The following HNRNPM variants were observed in gnomAD, a reference collection of about 807,000 sequenced individuals.
The protein encoded by HNRNPM is heterogeneous nuclear ribonucleoprotein M.
HNRNPM carries 11 observed loss-of-function variants against 73.1 expected under a neutral mutation model. That is an observed-to-expected ratio of 0.15 (90% CI 0.09 to 0.25). The LOEUF is 0.25. Ranked by LOEUF, HNRNPM falls within the 10% of genes least tolerant of loss-of-function variation. The pLI is 1.00. For missense variants in HNRNPM, 789 were observed against 1,067.9 expected (o/e 0.74, Z 3.64); for synonymous variants, 407 against 355.2 (o/e 1.15, Z -1.64).
At chr19:8,461,450 C>T (rs374109249) in intron 2 of HNRNPM, among the ~76,000 whole-genome samples, 1 of 152,166 alleles carries the variant, frequency 6.6e-6, no homozygotes, top group Admixed American at 6.5e-5. Context: ...CCATTTTTTG[C>T]CTTTGGAGAG....
chr19:8,453,588 G>T (rs537489641), intron 1 of HNRNPM, among the ~76,000 whole-genome samples: 57 of 151,942 alleles, frequency 3.8e-4, no homozygotes, highest in African/African-American at 8.2e-4. Flanking sequence ...TGGCTTTTTG[G>T]TTTTTTTTCC....
At chr19:8,475,901 CTCTCTTTT>C (rs1391161497) in intron 12 of HNRNPM, among the ~76,000 whole-genome samples, 1 of 108,646 alleles carries the variant, frequency 9.2e-6, no homozygotes, top group Non-Finnish European at 1.9e-5. Flanking sequence ...AACCCCATCT[CTCTCTTTT>C]TTTTTTTTTT....
At chr19:8,472,479 A>G (rs1291726799) in intron 10 of HNRNPM, among the ~76,000 whole-genome samples, 2 of 152,158 alleles carry the variant, frequency 1.3e-5, no homozygotes, top group African/African-American at 4.8e-5. Flanking sequence ...CCCAAAACAC[A>G]CACACCCCAT....
intron 6 of HNRNPM, among the ~76,000 whole-genome samples, chr19:8,465,779 G>T (rs1396894029): frequency 6.6e-6 from 1 of 152,086 alleles, no homozygotes; most frequent in African/African-American, 2.4e-5. Context: ...TTCTCCGTTG[G>T]TTTATTTTAT....
chr19:8,446,937 AG>A (rs1246542737), intron 1 of HNRNPM, among the ~76,000 whole-genome samples: 1 of 152,174 alleles, frequency 6.6e-6, no homozygotes. Context: ...GGAAGCTGGT[AG>A]GATTTCTGAG....
chr19:8,467,229 G>T (rs904431844), intron 7 of HNRNPM, among the ~76,000 whole-genome samples: 8 of 152,162 alleles, frequency 5.3e-5, no homozygotes, highest in African/African-American at 1.9e-4. Flanking sequence ...AGTGGTAGAT[G>T]CCTGGCCCAT....
Position 8,455,434 on chromosome 19 carries a change from A to G in HNRNPM, c.143A>G (p.Lys48Arg), listed in dbSNP as rs560394404. The G allele has an allele frequency of 6.2e-7, 1 of 1,614,080 alleles. No individual in the cohort carries two copies. The highest frequency in any genetic ancestry group is 2.2e-5 in the East Asian group (1 of 44,882). The change falls in exon 2 of 16, where the codon AAG (lysine) becomes AGG (arginine). Residue 48 changes from lysine to arginine, a missense_variant. Coordinates refer to ENST00000325495, the MANE Select transcript of HNRNPM (RefSeq NM_005968.5). ...GGAGAACGACCTGCTCAGAATGAGAAGAGGAAGGAGAAAAACATAAAAAGA... is the reference window on the plus strand; with the variant it reads ...GGAGAACGACCTGCTCAGAATGAGAGGAGGAAGGAGAAAAACATAAAAAGA... The part of the protein sequence containing the change: ...GEGERPAQNE[K>R]RKEKNIKRGG...
At chr19:8,468,674 T>C in intron 8 of HNRNPM, 100 bp from the exon 9 acceptor site, 1 of 845,890 alleles carries the variant, frequency 1.2e-6, no homozygotes, top group Non-Finnish European at 2.0e-6. Flanking sequence ...GATAATGTGT[T>C]TAGCTGGTCC....
chr19:8,480,783 T>G (rs1189441672), intron 12 of HNRNPM, among the ~76,000 whole-genome samples: 1 of 152,142 alleles, frequency 6.6e-6, no homozygotes, highest in Admixed American at 6.5e-5. Context: ...GAGTGGCACA[T>G]GAGTGGCACA....
At chr19:8,484,313 A>G (rs1017139387) in intron 13 of HNRNPM, among the ~76,000 whole-genome samples, 3 of 151,920 alleles carry the variant, frequency 2.0e-5, no homozygotes, top group Non-Finnish European at 4.4e-5. Context: ...AGTAGCTGGG[A>G]CTACGGGCGC....
Position 8,462,563 on chromosome 19 carries a change from C to T in HNRNPM, c.318C>T (p.Asp106=), listed in dbSNP as rs754945977. 1.2e-6 allele frequency: 2 copies of T among 1,613,506 alleles called. No individual in the cohort carries two copies. The highest frequency in any genetic ancestry group is 2.2e-5 in the South Asian group (2 of 91,062). ...GEVTYVELLM[D]AEGKSRGCAV... is the part of the protein sequence containing the mutation. ...TAACATACGTGGAGCTCTTAATGGA[C>T]GCTGAAGGAAAGTCAAGGGTAAGTG... Residue 106 remains aspartate (D), a synonymous_variant, in exon 3 of 16, where the codon GAC becomes GAT. Coordinates refer to ENST00000325495, the MANE Select transcript of HNRNPM (RefSeq NM_005968.5). The surrounding 1 kb of genome is among the most constrained non-coding windows in gnomAD (Gnocchi z 4.5).
chr19:8,479,323 C>G (rs2145730140), intron 12 of HNRNPM, among the ~76,000 whole-genome samples: 1 of 152,006 alleles, frequency 6.6e-6, no homozygotes, highest in African/African-American at 2.4e-5. Flanking sequence ...AAGTGATCCA[C>G]CTGCCTCTGC....
intron 2 of HNRNPM, among the ~76,000 whole-genome samples, chr19:8,458,135 TC>T (rs200820692): frequency 6.6e-6 from 1 of 150,596 alleles, no homozygotes; most frequent in African/African-American, 2.5e-5. Context: ...CTAAGGATAC[TC>T]CGGGGGGAGA....
rs1342166508 is a variant in HNRNPM at position 8,462,100 on chromosome 19, T to C, written c.284-429T>C. On this transcript the variant is annotated intron_variant, in intron 2 of 15. Coordinates refer to ENST00000325495, the MANE Select transcript of HNRNPM (RefSeq NM_005968.5). The surrounding 1 kb of genome is among the most constrained non-coding windows in gnomAD (Gnocchi z 4.5). ...CTTCGCATACGTGCGTCCTTGTATT[T>C]ATAGCATGTGAGCTCAGCCCGATGG... 2.2e-5 allele frequency: 4 copies of C among 183,268 alleles called. No homozygotes were observed. Among genetic ancestry groups the C allele is most frequent in the African/African-American group, 7.0e-5 (3 of 42,746 alleles). 11.4% of individuals were successfully genotyped at this position (183,268 alleles called of 1,614,324 possible).
chr19:8,463,170 C>A (rs1969505769), intron 3 of HNRNPM, among the ~76,000 whole-genome samples: 1 of 152,050 alleles, frequency 6.6e-6, no homozygotes, highest in Non-Finnish European at 1.5e-5. Context: ...GGTAAGGACT[C>A]GATTGAGTAC....
chr19:8,488,012 C>T (rs1031177819), intron 15 of HNRNPM: 1 of 152,476 alleles, frequency 6.6e-6, no homozygotes, highest in African/African-American at 2.4e-5. Flanking sequence ...GTCCCAGAAC[C>T]TGAGCGGCAA....
At chr19:8,465,277 C>T (rs753387996) in intron 5 of HNRNPM, 47 bp from the exon 6 acceptor site, 62 of 1,435,324 alleles carry the variant, frequency 4.3e-5, no homozygotes, top group Non-Finnish European at 5.6e-5. Flanking sequence ...GCATGGTTTG[C>T]GTTGTACTGG....
chr19:8,450,013 A>C (rs1358809506), intron 1 of HNRNPM, among the ~76,000 whole-genome samples: 2 of 152,158 alleles, frequency 1.3e-5, no homozygotes, highest in Non-Finnish European at 2.9e-5. Flanking sequence ...TACCATGCAT[A>C]CAGGTTGCGC....
chr19:8,472,457 C>T (rs909783326), intron 10 of HNRNPM, among the ~76,000 whole-genome samples: 5 of 152,250 alleles, frequency 3.3e-5, no homozygotes, highest in Non-Finnish European at 2.9e-5. Flanking sequence ...TGGCTGTTAA[C>T]GTTTCCCCCG....
Sources: allele counts gnomAD v4.1 joint callset (sites outside exome capture counted in the v4.1 genomes callset), GRCh38; gene constraint gnomAD v4.1.1; non-coding constraint Gnocchi (gnomAD v3.1); transcripts MANE v1.5; gene names NCBI Gene and HGNC (gene_info 2026-07-23, HGNC 2026-07-21).